Variants in RPS6KC1 observed in about 807,000 individuals in gnomAD.
RPS6KC1 encodes the protein ribosomal protein S6 kinase C1, also known as inactive ribosomal protein S6 kinase delta-1.
Under a neutral mutation model 103.8 loss-of-function variants are expected in RPS6KC1, and 54 were observed. The observed-to-expected ratio is 0.52, with a 90% CI of 0.42 to 0.65. RPS6KC1 has a LOEUF of 0.65. Ranked by LOEUF, RPS6KC1 falls within the 30% of genes least tolerant of loss-of-function variation. The pLI, the probability that RPS6KC1 is intolerant of heterozygous loss-of-function variation, is 0.00. For missense variants in RPS6KC1, 1,151 were observed against 1,253.8 expected (o/e 0.92, Z 1.24); for synonymous variants, 439 against 438.7 (o/e 1.00, Z -0.01).
At chr1:213,302,029 C>T in the RPS6KC1 span, among the ~76,000 whole-genome samples, 1 of 152,068 alleles carries the variant, frequency 6.6e-6, no homozygotes, top group African/African-American at 2.4e-5. Context: ...AGCCACTGTG[C>T]CCGGCCAAGA....
the RPS6KC1 span, among the ~76,000 whole-genome samples, chr1:213,544,880 A>G: frequency 6.6e-6 from 1 of 152,176 alleles, no homozygotes; most frequent in Non-Finnish European, 1.5e-5. Flanking sequence ...TTGGAAGAGC[A>G]GTGGAGCAAA....
chr1:213,530,023 T>C, the RPS6KC1 span, among the ~76,000 whole-genome samples: 1 of 105,920 alleles, frequency 9.4e-6, no homozygotes, highest in African/African-American at 3.4e-5. Flanking sequence ...AGAATTTTCC[T>C]TCACTTCTTT....
chr1:213,594,496 A>C, the RPS6KC1 span, among the ~76,000 whole-genome samples: 11 of 152,338 alleles, frequency 7.2e-5, no homozygotes, highest in African/African-American at 2.4e-4. Flanking sequence ...TTTTATTTTT[A>C]GAGAGCCAAG....
chr1:213,565,753 TAAAC>T, the RPS6KC1 span, among the ~76,000 whole-genome samples: 143 of 152,252 alleles, frequency 9.4e-4, no homozygotes, highest in African/African-American at 3.2e-3. Context: ...AAAAAATCCA[TAAAC>T]AAATATCGAA....
chr1:213,746,057 T>C, the RPS6KC1 span, among the ~76,000 whole-genome samples: 4 of 152,186 alleles, frequency 2.6e-5, no homozygotes, highest in Non-Finnish European at 5.9e-5. Flanking sequence ...GGAGCTTAGC[T>C]TGCCTCAGTG....
the RPS6KC1 span, among the ~76,000 whole-genome samples, chr1:213,602,036 CTTT>C: frequency 1.1e-3 from 20 of 18,870 alleles, 3 homozygotes; most frequent in East Asian, 0.043. Flanking sequence ...TTCTCTTTCT[CTTT>C]CTTTCTTTCT....
the RPS6KC1 span, among the ~76,000 whole-genome samples, chr1:213,776,807 G>C: frequency 6.6e-6 from 1 of 152,182 alleles, no homozygotes; most frequent in South Asian, 2.1e-4. Flanking sequence ...CATACATATT[G>C]AAAATCTGTT....
At chr1:213,657,644 G>T in the RPS6KC1 span, among the ~76,000 whole-genome samples, 4 of 152,046 alleles carry the variant, frequency 2.6e-5, no homozygotes, top group African/African-American at 9.7e-5. Flanking sequence ...CAGGCAGAAC[G>T]TATACAAACA....
the RPS6KC1 span, among the ~76,000 whole-genome samples, chr1:213,538,607 G>A: frequency 6.6e-6 from 1 of 152,138 alleles, no homozygotes; most frequent in Admixed American, 6.5e-5. Flanking sequence ...TAAGGATGAG[G>A]GAAAGGTGTT....
At chr1:213,365,216 T>G in the RPS6KC1 span, among the ~76,000 whole-genome samples, 2 of 152,204 alleles carry the variant, frequency 1.3e-5, no homozygotes, top group African/African-American at 4.8e-5. Flanking sequence ...AACCTTTGTA[T>G]TTATCATTAA....
the RPS6KC1 span, chr1:213,840,365 G>A: frequency 1.3e-5 from 2 of 152,136 alleles, no homozygotes; most frequent in African/African-American, 4.8e-5. Flanking sequence ...GGCACATAAT[G>A]AGTGCTCATT....
the RPS6KC1 span, among the ~76,000 whole-genome samples, chr1:213,536,520 C>T: frequency 1.3e-5 from 2 of 152,094 alleles, no homozygotes; most frequent in Non-Finnish European, 2.9e-5. Flanking sequence ...AGGACAACAC[C>T]TGGGGTATAG....
chr1:213,185,434 G>A (rs1014365928), intron 8 of RPS6KC1, among the ~76,000 whole-genome samples: 9 of 152,080 alleles, frequency 5.9e-5, no homozygotes, highest in Non-Finnish European at 1.2e-4. Context: ...ATCACCTGAG[G>A]TCAGGAATTT....
chr1:213,846,262 T>C, the RPS6KC1 span, among the ~76,000 whole-genome samples: 3 of 151,300 alleles, frequency 2.0e-5, no homozygotes, highest in African/African-American at 7.3e-5. Flanking sequence ...ATCACACCAC[T>C]GCACTCCAGC....
chr1:213,858,740 G>T, the RPS6KC1 span, among the ~76,000 whole-genome samples: 4 of 152,088 alleles, frequency 2.6e-5, no homozygotes, highest in East Asian at 7.7e-4. Context: ...CATTCCTCCT[G>T]GACCCACAAG....
At chr1:213,114,801 T>C (rs1256901497) in intron 4 of RPS6KC1, among the ~76,000 whole-genome samples, 1 of 152,224 alleles carries the variant, frequency 6.6e-6, no homozygotes, top group African/African-American at 2.4e-5. Context: ...TCTGCATCTA[T>C]TGAGATAATC....
rs2092695630 is a variant in RPS6KC1 at position 213,190,114 on chromosome 1, TG to T, written c.1044+13625del. Among the ~76,000 whole-genome samples, 3 of 152,304 alleles carry T rather than the reference TG, an allele frequency of 2.0e-5. No homozygotes were observed. In the South Asian group the frequency reaches 6.2e-4, roughly 32 times the overall value. On this transcript the variant is annotated intron_variant, in intron 8 of 14. Coordinates refer to ENST00000366960, the MANE Select transcript of RPS6KC1 (RefSeq NM_012424.6). ...ATTGTGAATAGTGCTGCAGTAAACA[TG>T]GGAGTGCAAGTATTTCTTTGATTTA...
chr1:213,330,391 TA>T, the RPS6KC1 span, among the ~76,000 whole-genome samples: 2 of 152,190 alleles, frequency 1.3e-5, no homozygotes, highest in Non-Finnish European at 2.9e-5. Flanking sequence ...TGGAGTCTAG[TA>T]GGGAAGAGAG....
At chr1:213,356,095 A>G in the RPS6KC1 span, among the ~76,000 whole-genome samples, 1 of 152,180 alleles carries the variant, frequency 6.6e-6, no homozygotes, top group Admixed American at 6.5e-5. Flanking sequence ...TAGAACTCCA[A>G]AGATAGACGA....
Sources: allele counts gnomAD v4.1 joint callset (sites outside exome capture counted in the v4.1 genomes callset), GRCh38; gene constraint gnomAD v4.1.1; transcripts MANE v1.5; gene names NCBI Gene and HGNC (gene_info 2026-07-23, HGNC 2026-07-21).